The following DDR2 variants were observed in gnomAD, a reference collection of about 807,000 sequenced individuals.
DDR2 encodes discoidin domain-containing receptor 2.
Under a neutral mutation model 94.9 loss-of-function variants are expected in DDR2, and 27 were observed. The ratio of observed to expected loss-of-function variants is 0.28; its 90% CI spans 0.21 to 0.39. The LOEUF (loss-of-function observed/expected upper bound fraction) is 0.39, where lower values mean the gene tolerates loss of function less well. Ranked by LOEUF, DDR2 falls within the 10% of genes least tolerant of loss-of-function variation. The pLI, the probability that DDR2 is intolerant of heterozygous loss-of-function variation, is 1.00. For missense variants in DDR2, 783 were observed against 1,076.0 expected (o/e 0.73, Z 3.81); for synonymous variants, 382 against 377.2 (o/e 1.01, Z -0.15).
intron 2 of DDR2, among the ~76,000 whole-genome samples, chr1:162,666,981 A>G: frequency 6.6e-6 from 1 of 151,050 alleles, no homozygotes; most frequent in Non-Finnish European, 1.5e-5. Context: ...TCTCCATGCA[A>G]CTTTGGATGG....
intron 2 of DDR2, among the ~76,000 whole-genome samples, chr1:162,690,797 T>A (rs1232330818): frequency 6.6e-6 from 1 of 152,220 alleles, no homozygotes; most frequent in Non-Finnish European, 1.5e-5. Flanking sequence ...CCTGAGGAGA[T>A]TCTCCTGCGC....
At chr1:162,774,849 G>A (rs568074608) in intron 14 of DDR2, among the ~76,000 whole-genome samples, 12 of 152,258 alleles carry the variant, frequency 7.9e-5, no homozygotes, top group Admixed American at 6.5e-4. Flanking sequence ...GCATCAGGAC[G>A]GCATTGATTC....
chr1:162,713,009 C>G (rs1660990126), intron 2 of DDR2, among the ~76,000 whole-genome samples: 1 of 152,088 alleles, frequency 6.6e-6, no homozygotes, highest in African/African-American at 2.4e-5. Flanking sequence ...GGTAAAACAG[C>G]CTCAATTGAG....
chr1:162,631,753 GA>G (rs904032186), upstream of DDR2, among the ~76,000 whole-genome samples: 37 of 151,910 alleles, frequency 2.4e-4, no homozygotes, highest in South Asian at 1.2e-3. Context: ...ATAAAGGAGG[GA>G]AAAAAAAGTT....
At position 162,639,228 on chromosome 1, in the gene DDR2, G is replaced by A. The variant is rs78158045; in HGVS notation, c.-192+6597G>A. On this transcript the variant is annotated intron_variant, in intron 1 of 17. Coordinates refer to ENST00000367921, the MANE Select transcript of DDR2 (RefSeq NM_006182.4). ...CAAAGTCAAAGGACTGACAGTACCT[G>A]ACTTCAAGGCTTACTGTAAAGCTCT... Among the ~76,000 whole-genome samples the A allele has an allele frequency of 4.9e-3, 742 of 152,300 alleles. 3 individuals carry two copies. The highest frequency in any genetic ancestry group is 0.017 in the African/African-American group (701 of 41,558).
intron 2 of DDR2, among the ~76,000 whole-genome samples, chr1:162,691,986 A>G (rs1304367465): frequency 6.6e-6 from 1 of 152,356 alleles, no homozygotes; most frequent in East Asian, 1.9e-4. Context: ...GGGTGGAGAC[A>G]GAGACCTTCA....
At position 162,767,311 on chromosome 1, in the gene DDR2, C is replaced by T; in HGVS notation, c.1245C>T (p.Ile415=). The change falls in exon 11 of 18, where the codon ATC becomes ATT. Residue 415 remains isoleucine (I), a synonymous_variant. Transcript: ENST00000367921. ...CCATCATCTTTATCCTCCTGGCCAT[C>T]ATTGTCATCATCCTCTGGAGGCAGT... ...LVAIIFILLA[I]IVIILWRQFW... The T allele has an allele frequency of 1.9e-6, 3 of 1,614,094 alleles. No individual in the cohort carries two copies. Among genetic ancestry groups the T allele is most frequent in the East Asian group, 2.2e-5 (1 of 44,866 alleles).
At chr1:162,740,226 T>G (rs1043919143) in intron 3 of DDR2, among the ~76,000 whole-genome samples, 1 of 152,138 alleles carries the variant, frequency 6.6e-6, no homozygotes, top group Non-Finnish European at 1.5e-5. Context: ...ATGTATCTAA[T>G]AGTATAAGAA....
At chr1:162,690,925 A>G (rs754786256) in intron 2 of DDR2, among the ~76,000 whole-genome samples, 1 of 152,160 alleles carries the variant, frequency 6.6e-6, no homozygotes, top group Admixed American at 6.5e-5. Flanking sequence ...AGTTGTGTCT[A>G]TTTAATTTGT....
intron 1 of DDR2, among the ~76,000 whole-genome samples, chr1:162,650,768 C>G (rs1391028948): frequency 6.6e-6 from 1 of 152,038 alleles, no homozygotes; most frequent in African/African-American, 2.4e-5. Flanking sequence ...CTCTGTTACC[C>G]TGGCTGTAGT....
intron 3 of DDR2, among the ~76,000 whole-genome samples, chr1:162,746,151 G>A (rs1458342907): frequency 6.6e-6 from 1 of 152,206 alleles, no homozygotes; most frequent in Non-Finnish European, 1.5e-5. Context: ...CACAGAGTGT[G>A]AGCTGAAGCA....
At chr1:162,728,169 G>C in intron 3 of DDR2, among the ~76,000 whole-genome samples, 1 of 138,590 alleles carries the variant, frequency 7.2e-6, no homozygotes, top group Non-Finnish European at 1.5e-5. Flanking sequence ...TAAATATATA[G>C]ATAGATATCT....
rs985797982 is a variant in DDR2, at chr1:162,754,664, A to G, written c.226A>G (p.Ile76Val). The G allele has an allele frequency of 3.1e-6, 5 of 1,614,016 alleles. No individual in the cohort carries two copies. Among genetic ancestry groups the G allele is most frequent in the Non-Finnish European group, 3.4e-6 (4 of 1,180,014 alleles). Residue 76 changes from isoleucine (I) to valine (V), a missense_variant, in exon 5 of 18, where the codon ATT becomes GTT. This residue lies in a region of DDR2 where 519 missense variants were observed against 647.9 expected (regional missense o/e 0.80). Transcript: ENST00000367921. ...EEGDGAWCPE[I>V]PVEPDDLKEF... is the part of the protein sequence containing the mutation. ...AGGGGATGGAGCCTGGTGCCCTGAGATTCCAGTGGAACCTGATGACCTGAA... is the reference window on the plus strand; with the variant it reads ...AGGGGATGGAGCCTGGTGCCCTGAGGTTCCAGTGGAACCTGATGACCTGAA...
intron 2 of DDR2, among the ~76,000 whole-genome samples, chr1:162,663,209 G>A (rs1216550748): frequency 6.6e-6 from 1 of 152,134 alleles, no homozygotes; most frequent in Non-Finnish European, 1.5e-5. Context: ...AACATAGATT[G>A]GGGAGAAGAG....
At chr1:162,670,072 T>G (rs1658758829) in intron 2 of DDR2, among the ~76,000 whole-genome samples, 1 of 152,246 alleles carries the variant, frequency 6.6e-6, no homozygotes, top group Non-Finnish European at 1.5e-5. Context: ...CCCTGTAATT[T>G]TGTTTATATA....
At chr1:162,689,255 G>A (rs1461175696) in intron 2 of DDR2, among the ~76,000 whole-genome samples, 1 of 152,192 alleles carries the variant, frequency 6.6e-6, no homozygotes, top group Non-Finnish European at 1.5e-5. Flanking sequence ...TCTATTGTGT[G>A]AGGTGATGGT....
At chr1:162,730,058 C>CTTTT (rs1661953788) in intron 3 of DDR2, among the ~76,000 whole-genome samples, 2 of 64,188 alleles carry the variant, frequency 3.1e-5, no homozygotes, top group African/African-American at 6.1e-5. Context: ...TTTTTTTTTG[C>CTTTT]AAAAAAAAAA....
intron 3 of DDR2, among the ~76,000 whole-genome samples, chr1:162,749,155 C>G (rs1663046586): frequency 6.6e-6 from 1 of 152,004 alleles, no homozygotes; most frequent in Non-Finnish European, 1.5e-5. Context: ...TAACTAAGAT[C>G]AGAGCAGAAC....
chr1:162,774,465 C>T (rs1278886514), intron 14 of DDR2, among the ~76,000 whole-genome samples: 1 of 152,002 alleles, frequency 6.6e-6, no homozygotes, highest in African/African-American at 2.4e-5. Context: ...TTGCAATGGA[C>T]AAGATGTAAG....
Sources: gnomAD v4.1 joint callset for allele counts (sites outside exome capture counted in the v4.1 genomes callset) on GRCh38, gnomAD v4.1.1 for gene constraint, gnomAD v4.1.1 regional missense constraint, MANE v1.5 for transcripts, NCBI Gene and HGNC (gene_info 2026-07-23, HGNC 2026-07-21) for gene names.